Variants in CASK observed in about 807,000 individuals in gnomAD.
The protein encoded by CASK is calcium/calmodulin dependent serine protein kinase.
A neutral mutation model predicts 82.9 loss-of-function variants in CASK; 4 were observed. That is an observed-to-expected ratio of 0.05 (90% confidence interval 0.02 to 0.11). CASK has a LOEUF of 0.11. Among genes scored for constraint, CASK ranks in the 10% least tolerant of loss-of-function variants. CASK has a pLI of 1.00. For synonymous variants in CASK, 259 were observed against 253.5 expected, an observed-to-expected ratio of 1.02 and a Z score of -0.20; for missense variants, 358 against 720.9, an observed-to-expected ratio of 0.50 and a Z score of 5.76.
chrX:41,568,517 G>C (rs960124579), intron 16 of CASK, among the ~76,000 whole-genome samples: 1 of 110,826 alleles, frequency 9.0e-6, no homozygotes, highest in South Asian at 3.8e-4. Flanking sequence ...CTCTCTGGGG[G>C]TAAGGAAAGA....
intron 21 of CASK, among the ~76,000 whole-genome samples, chrX:41,549,467 T>C (rs964617589): frequency 6.2e-5 from 7 of 112,225 alleles, no homozygotes; most frequent in Non-Finnish European, 1.3e-4. Context: ...TGGCAATATA[T>C]TGAACATATT....
chrX:41,812,489 C>A (rs1255862644), intron 2 of CASK, among the ~76,000 whole-genome samples: 1 of 111,554 alleles, frequency 9.0e-6, no homozygotes, highest in African/African-American at 3.3e-5. Context: ...AAGACAAAAA[C>A]CACATGATTA....
At chrX:41,696,117 C>A in intron 5 of CASK, 1 of 1,204,698 alleles carries the variant, frequency 8.3e-7, no homozygotes, top group African/African-American at 1.7e-5. Flanking sequence ...GTCTATACAG[C>A]AACGGAAGGC....
chrX:41,578,619 C>CAAAAT, intron 14 of CASK, 91 bp from the exon 15 acceptor site: 1 of 673,521 alleles, frequency 1.5e-6, no homozygotes, highest in Non-Finnish European at 2.2e-6. Flanking sequence ...GACAGGGTCT[C>CAAAAT]ACTCTGTCAC....
intron 17 of CASK, among the ~76,000 whole-genome samples, chrX:41,560,189 C>T (rs1479106516): frequency 8.9e-6 from 1 of 112,366 alleles, no homozygotes; most frequent in East Asian, 2.8e-4. Flanking sequence ...TAGGTAATTA[C>T]ATAAAAATTA....
chrX:41,837,067 G>A (rs781207077), intron 2 of CASK, among the ~76,000 whole-genome samples: 1 of 112,162 alleles, frequency 8.9e-6, no homozygotes, highest in Admixed American at 9.4e-5. Flanking sequence ...TAGTTAAAAT[G>A]CTTTTACCTA....
At chrX:41,579,402 C>T (rs2065532696) in intron 14 of CASK, among the ~76,000 whole-genome samples, 2 of 111,251 alleles carry the variant, frequency 1.8e-5, no homozygotes, top group Admixed American at 1.9e-4. Context: ...TTTTGCAAAG[C>T]CTATTAACAA....
intron 3 of CASK, among the ~76,000 whole-genome samples, chrX:41,751,112 C>T (rs1174618042): frequency 1.8e-5 from 2 of 111,903 alleles, no homozygotes; most frequent in Non-Finnish European, 3.8e-5. Flanking sequence ...GACAGGGTCT[C>T]GTTTTGTCAC....
chrX:41,860,314 TG>T (rs1259284220), intron 1 of CASK, among the ~76,000 whole-genome samples: 3 of 111,183 alleles, frequency 2.7e-5, no homozygotes, highest in African/African-American at 9.8e-5. Context: ...ACATAGATGG[TG>T]GGTAGGCAAA....
Position 41,559,811 on chromosome X carries a change from G to A in CASK, c.1705C>T (p.Pro569Ser). 8.3e-7 allele frequency: 1 copy of A among 1,210,525 alleles called. No homozygotes were observed. Among genetic ancestry groups the A allele is most frequent in the Non-Finnish European group, 1.1e-6 (1 of 894,413 alleles). Reference protein sequence around the residue: ...MRGSITFKIVPSYRTQSSSCE... With the variant: ...MRGSITFKIVSSYRTQSSSCE... ...GACGAAGACTGAGTGCGGTAACTTG[G>A]CACAATCTTGAAGGTAATACTCCCC... Residue 569 changes from proline (P) to serine (S), a missense_variant, in exon 18 of 27, where the codon CCA becomes TCA. Physicochemically the swap from Pro to Ser is moderately conservative, Grantham distance 74 (BLOSUM62 -1). This residue lies in a region of CASK where 41 missense variants were observed against 39.4 expected (regional missense o/e 1.04). Transcript: ENST00000378163.
At chrX:41,633,900 A>C (rs2066515220) in intron 9 of CASK, among the ~76,000 whole-genome samples, 2 of 110,363 alleles carry the variant, frequency 1.8e-5, no homozygotes, top group East Asian at 5.7e-4. Context: ...CTGGGATTAC[A>C]GGCATGCACA....
rs538542759 is a variant in CASK at position 41,830,546 on chromosome X, T to C, written c.172+22569A>G. On this transcript the variant is annotated intron_variant, in intron 2 of 26. Coordinates refer to ENST00000378163, the MANE Select transcript of CASK (RefSeq NM_001367721.1). ...AGGTAAGAAGTGATAGATGGCCGGGTGCGGTGGCTCACGCCTGTAATCCCA... is the reference window on the plus strand; with the variant it reads ...AGGTAAGAAGTGATAGATGGCCGGGCGCGGTGGCTCACGCCTGTAATCCCA... 4.5e-3 allele frequency among the ~76,000 whole-genome samples: 501 copies of C among 110,770 alleles called. 3 individuals carry two copies. Among genetic ancestry groups the C allele is most frequent in the South Asian group, 5.4e-3 (14 of 2,600 alleles).
intron 8 of CASK, among the ~76,000 whole-genome samples, chrX:41,654,364 G>A: frequency 9.0e-6 from 1 of 111,442 alleles, no homozygotes; most frequent in Non-Finnish European, 1.9e-5. Context: ...ATCTTTAGAG[G>A]GCTAATAAGA....
intron 25 of CASK, among the ~76,000 whole-genome samples, chrX:41,528,142 A>C (rs2064740609): frequency 8.9e-6 from 1 of 112,592 alleles, no homozygotes; most frequent in Non-Finnish European, 1.9e-5. Context: ...GTAAAGCCTT[A>C]ATCGAGTCAC....
chrX:41,751,887 T>TA (rs985319590), intron 3 of CASK, among the ~76,000 whole-genome samples: 1 of 106,731 alleles, frequency 9.4e-6, no homozygotes, highest in African/African-American at 3.4e-5. Context: ...CTACAAAAAA[T>TA]AAAAAAAAAT....
intron 8 of CASK, among the ~76,000 whole-genome samples, chrX:41,648,134 A>C (rs1307227265): frequency 9.0e-6 from 1 of 111,326 alleles, no homozygotes; most frequent in Non-Finnish European, 1.9e-5. Context: ...TGAGAAAGAG[A>C]ATGCGCACCT....
intron 3 of CASK, among the ~76,000 whole-genome samples, chrX:41,774,554 C>G (rs1393780775): frequency 5.4e-5 from 6 of 110,830 alleles, no homozygotes; most frequent in Non-Finnish European, 7.6e-5. Context: ...CATATGGAAC[C>G]AAAAAAGAGC....
chrX:41,896,449 G>A (rs1222333953), intron 1 of CASK, among the ~76,000 whole-genome samples: 1 of 112,112 alleles, frequency 8.9e-6, no homozygotes, highest in Non-Finnish European at 1.9e-5. Context: ...AAAAGACAAT[G>A]TTAATTATAA....
At chrX:41,577,038 T>A (rs2065494651) in intron 15 of CASK, among the ~76,000 whole-genome samples, 2 of 112,376 alleles carry the variant, frequency 1.8e-5, no homozygotes, top group Admixed American at 9.4e-5. Flanking sequence ...GGTAATTTGT[T>A]TTTCTATATC....
Sources: gnomAD v4.1 joint callset for allele counts (sites outside exome capture counted in the v4.1 genomes callset) on GRCh38, gnomAD v4.1.1 for gene constraint, gnomAD v4.1.1 regional missense constraint, MANE v1.5 for transcripts, NCBI Gene and HGNC (gene_info 2026-07-23, HGNC 2026-07-21) for gene names.